Variants in ANKFN1 observed in about 807,000 individuals in gnomAD.
ANKFN1 encodes ankyrin repeat and fibronectin type III domain containing 1.
In ANKFN1, 74 loss-of-function variants were observed where a neutral mutation model predicts 108.7. The observed-to-expected ratio is 0.68, with a 90% CI of 0.56 to 0.83. The LOEUF is 0.83. ANKFN1 is among the 40% of genes least tolerant of loss of function. The pLI, the probability that ANKFN1 is intolerant of heterozygous loss-of-function variation, is 0.00. For missense variants in ANKFN1, 1,505 were observed against 1,382.3 expected, an observed-to-expected ratio of 1.09 and a Z score of -1.41; for synonymous variants, 547 against 516.2, an observed-to-expected ratio of 1.06 and a Z score of -0.81.
intron 3 of ANKFN1, among the ~76,000 whole-genome samples, chr17:56,249,534 T>C (rs1185230669): frequency 1.3e-5 from 2 of 151,878 alleles, no homozygotes; most frequent in African/African-American, 4.8e-5. Context: ...CTTGATAAAC[T>C]CATTTGAAAC....
intron 4 of ANKFN1, among the ~76,000 whole-genome samples, chr17:56,329,458 C>T (rs893142056): frequency 6.6e-6 from 1 of 152,170 alleles, no homozygotes; most frequent in Non-Finnish European, 1.5e-5. Flanking sequence ...TTTCCCACAA[C>T]CTCTTATCCA....
chr17:56,357,001 A>G (rs138064416), intron 6 of ANKFN1, among the ~76,000 whole-genome samples: 47 of 152,306 alleles, frequency 3.1e-4, no homozygotes, highest in Non-Finnish European at 6.2e-4. Flanking sequence ...AAAGAACTCA[A>G]GTACTAAATA....
At chr17:56,474,876 TTAA>T (rs1252472125) in intron 15 of ANKFN1, among the ~76,000 whole-genome samples, 3 of 152,196 alleles carry the variant, frequency 2.0e-5, no homozygotes, top group Admixed American at 6.5e-5. Flanking sequence ...CATCCTGATA[TTAA>T]TAATAATTGC....
At chr17:56,062,178 C>T (rs942532958) in intron 4 of ANKFN1, among the ~76,000 whole-genome samples, 2 of 151,984 alleles carry the variant, frequency 1.3e-5, no homozygotes, top group Non-Finnish European at 2.9e-5. Flanking sequence ...GAAAAAGTGC[C>T]ACGTAACATT....
At chr17:56,321,347 G>A (rs996966431) in intron 3 of ANKFN1, among the ~76,000 whole-genome samples, 3 of 151,842 alleles carry the variant, frequency 2.0e-5, no homozygotes, top group Non-Finnish European at 4.4e-5. Context: ...CCTAAGGAAG[G>A]TCAAGAGATT....
intron 4 of ANKFN1, among the ~76,000 whole-genome samples, chr17:56,129,482 C>T (rs1325468953): frequency 4.0e-5 from 5 of 125,818 alleles, no homozygotes; most frequent in African/African-American, 1.5e-4. Context: ...TAGCAAACCA[C>T]TCCATAAAAA....
intron 4 of ANKFN1, among the ~76,000 whole-genome samples, chr17:56,050,104 T>C (rs1904749379): frequency 6.6e-6 from 1 of 151,938 alleles, no homozygotes; most frequent in African/African-American, 2.4e-5. Flanking sequence ...TGAGATGGTA[T>C]CTCATAGTGG....
chr17:56,167,316 C>CATAT (rs1469508922), intron 1 of ANKFN1, among the ~76,000 whole-genome samples: 4,075 of 75,414 alleles, frequency 0.054, 59 homozygotes, highest in Middle Eastern at 0.071. Flanking sequence ...CACACACACA[C>CATAT]ACATATATAT....
rs34951336 is a variant in ANKFN1, at chr17:56,259,909, A to AACACACAC, written c.53+31983_53+31990dup. The stretch of plus-strand genomic sequence containing the variant: ...GTATCACTCCCCCACCCCACCTCCA[A>AACACACAC]ACACACACACACACACACACACACA... On this transcript the variant is annotated intron_variant, in intron 3 of 20. Transcript: ENST00000682825. 3.2e-3 allele frequency among the ~76,000 whole-genome samples: 446 copies of AACACACAC among 139,146 alleles called. 2 individuals carry two copies. The highest frequency in any genetic ancestry group is 8.2e-3 in the African/African-American group (310 of 37,910). 91.3% of individuals were successfully genotyped at this position (139,146 alleles called of 152,430 possible).
At chr17:56,245,765 C>CAG (rs1016485638) in intron 3 of ANKFN1, 1 of 152,178 alleles carries the variant, frequency 6.6e-6, no homozygotes, top group South Asian at 2.1e-4. Context: ...CTGAGGAAAC[C>CAG]AGAGAGTCCT....
At chr17:56,406,132 C>T (rs890550392) in intron 8 of ANKFN1, among the ~76,000 whole-genome samples, 9 of 151,974 alleles carry the variant, frequency 5.9e-5, no homozygotes, top group Non-Finnish European at 2.9e-5. Context: ...AGAAGGCTAC[C>T]ATAAAGGAAT....
chr17:56,188,541 GTA>G (rs200851638), intron 1 of ANKFN1, among the ~76,000 whole-genome samples: 10,186 of 92,162 alleles, frequency 0.11, 1,028 homozygotes, highest in African/African-American at 0.26. Flanking sequence ...AAAATAAGAT[GTA>G]TATGTGTGTG....
intron 4 of ANKFN1, among the ~76,000 whole-genome samples, chr17:56,092,324 C>T (rs892834781): frequency 7.4e-6 from 1 of 135,720 alleles, no homozygotes; most frequent in Admixed American, 7.8e-5. Context: ...GGCTGGAGTG[C>T]AGTGCAGTGG....
intron 16 of ANKFN1, among the ~76,000 whole-genome samples, chr17:56,480,115 T>C (rs565223847): frequency 1.3e-5 from 2 of 152,356 alleles, no homozygotes; most frequent in African/African-American, 4.8e-5. Flanking sequence ...AGCAGTGATA[T>C]GCATCCCTTG....
At chr17:56,496,043 A>T (rs2051190961) in intron 19 of ANKFN1, among the ~76,000 whole-genome samples, 1 of 152,082 alleles carries the variant, frequency 6.6e-6, no homozygotes, top group African/African-American at 2.4e-5. Context: ...TGGACCTTAA[A>T]ATCAGGGGGA....
At position 56,087,429 on chromosome 17, in the gene ANKFN1, G is replaced by A. The variant is rs1449640073; in HGVS notation, c.288+41104G>A. Among the ~76,000 whole-genome samples, 5 of 151,156 alleles carry A rather than the reference G, an allele frequency of 3.3e-5. 1 individual carries two copies. The highest frequency in any genetic ancestry group is 9.7e-5 in the African/African-American group (4 of 41,180). ...CAGAGAGACTGTGGTTTCTTTATCC[G>A]GGCAGTGTCTCTCTACTCAGCACTC... On this transcript the variant is annotated intron_variant, in intron 4 of 12. Coordinates refer to the ANKFN1 transcript ENST00000635860.
intron 4 of ANKFN1, among the ~76,000 whole-genome samples, chr17:56,108,469 A>G (rs564540348): frequency 7.9e-5 from 12 of 152,326 alleles, no homozygotes; most frequent in African/African-American, 2.6e-4. Context: ...TGCTTAGAAC[A>G]CACTTACTAT....
At chr17:56,219,132 C>A (rs1378100450) in intron 2 of ANKFN1, among the ~76,000 whole-genome samples, 2 of 152,180 alleles carry the variant, frequency 1.3e-5, no homozygotes, top group Middle Eastern at 3.4e-3. Flanking sequence ...TTTTAGATAT[C>A]TGATAAATAT....
At chr17:56,134,126 T>C (rs943480447) in intron 4 of ANKFN1, among the ~76,000 whole-genome samples, 4 of 152,148 alleles carry the variant, frequency 2.6e-5, no homozygotes, top group Admixed American at 6.5e-5. Flanking sequence ...GGGAAACTTA[T>C]ATTTACCAGT....
Sources: gnomAD v4.1 joint callset for allele counts (sites outside exome capture counted in the v4.1 genomes callset) on GRCh38, gnomAD v4.1.1 for gene constraint, MANE v1.5 for transcripts, NCBI Gene and HGNC (gene_info 2026-07-23, HGNC 2026-07-21) for gene names.